Variants in DDX60 observed in about 807,000 individuals in gnomAD.
The protein encoded by DDX60 is probable ATP-dependent RNA helicase DDX60.
DDX60 carries 165 observed loss-of-function variants against 212.8 expected under a neutral mutation model. The ratio of observed to expected loss-of-function variants is 0.78; its 90% CI spans 0.68 to 0.88. DDX60 has a LOEUF of 0.88. Ranked by LOEUF, DDX60 falls within the 40% of genes least tolerant of loss-of-function variation. The pLI is 0.00. For missense variants in DDX60, 1,905 were observed against 2,003.9 expected, an observed-to-expected ratio of 0.95 and a Z score of 0.94; for synonymous variants, 703 against 685.3, an observed-to-expected ratio of 1.03 and a Z score of -0.40.
At chr4:168,290,476 C>T (rs1487069595) in intron 8 of DDX60, among the ~76,000 whole-genome samples, 1 of 151,816 alleles carries the variant, frequency 6.6e-6, no homozygotes, top group Non-Finnish European at 1.5e-5. Flanking sequence ...CTACAGGTGC[C>T]TACCACCATG....
At chr4:168,267,518 T>G (rs920947132) in intron 22 of DDX60, 64 bp downstream of exon 22, 38 of 708,824 alleles carry the variant, frequency 5.4e-5, no homozygotes, top group Non-Finnish European at 8.0e-5. Flanking sequence ...TAGGCAGCAT[T>G]TATTTATAAT....
At chr4:168,279,382 C>T (rs749241695) in intron 14 of DDX60, among the ~76,000 whole-genome samples, 8 of 152,204 alleles carry the variant, frequency 5.3e-5, no homozygotes, top group Non-Finnish European at 1.0e-4. Context: ...CTCACTGCTT[C>T]AGCGCCTTGA....
chr4:168,217,066 T>G, intron 37 of DDX60, 34 bp from the exon 38 acceptor site: 1 of 1,368,804 alleles, frequency 7.3e-7, no homozygotes, highest in Non-Finnish European at 1.0e-6. Flanking sequence ...GGATCCACTT[T>G]AGTGAGATTG....
intron 37 of DDX60, among the ~76,000 whole-genome samples, chr4:168,217,570 A>G (rs1350978903): frequency 6.6e-6 from 1 of 152,204 alleles, no homozygotes; most frequent in African/African-American, 2.4e-5. Context: ...TACATGGCAA[A>G]GGGGAATGAA....
chr4:168,297,350 G>GAA (rs1188948884), intron 6 of DDX60, among the ~76,000 whole-genome samples: 4 of 79,968 alleles, frequency 5.0e-5, no homozygotes, highest in Non-Finnish European at 9.2e-5. Flanking sequence ...AAGAAAGAAA[G>GAA]AAAGAAAGAA....
chr4:168,240,079 T>A (rs1387593183), intron 30 of DDX60, among the ~76,000 whole-genome samples: 1 of 152,084 alleles, frequency 6.6e-6, no homozygotes, highest in East Asian at 1.9e-4. Flanking sequence ...GAAAACCCCA[T>A]CATCTCAACC....
chr4:168,253,229 G>A (rs1314093532), intron 26 of DDX60, among the ~76,000 whole-genome samples: 1 of 152,080 alleles, frequency 6.6e-6, no homozygotes, highest in African/African-American at 2.4e-5. Flanking sequence ...TTTTCCTTCT[G>A]GCTGTAGTCT....
chr4:168,253,323 T>C (rs893253227), intron 26 of DDX60, among the ~76,000 whole-genome samples: 22 of 152,178 alleles, frequency 1.4e-4, no homozygotes, highest in African/African-American at 5.1e-4. Context: ...TTCATGACCC[T>C]GGGCTTGGAT....
At chr4:168,301,128 T>C in intron 6 of DDX60, among the ~76,000 whole-genome samples, 1 of 152,282 alleles carries the variant, frequency 6.6e-6, no homozygotes, top group South Asian at 2.1e-4. Context: ...TTTCTGTGTA[T>C]ATAAAAATTG....
chr4:168,308,773 G>A (rs1737003075), intron 3 of DDX60, among the ~76,000 whole-genome samples: 1 of 149,140 alleles, frequency 6.7e-6, no homozygotes, highest in Non-Finnish European at 1.5e-5. Context: ...ACTGATAAAT[G>A]TATACTATAT....
intron 22 of DDX60, among the ~76,000 whole-genome samples, chr4:168,265,909 T>C (rs1281092068): frequency 1.3e-5 from 2 of 150,080 alleles, no homozygotes; most frequent in Non-Finnish European, 3.0e-5. Flanking sequence ...GAAAGAAAAA[T>C]GAGAGAATAA....
At chr4:168,217,805 G>A (rs552425587) in intron 37 of DDX60, among the ~76,000 whole-genome samples, 1 of 152,216 alleles carries the variant, frequency 6.6e-6, no homozygotes, top group East Asian at 1.9e-4. Context: ...CTAAAAGTTG[G>A]AAAAGGCAAT....
rs180985993 is a variant in DDX60, at chr4:168,233,453, C to A, written c.4533+2799G>T. Among the ~76,000 whole-genome samples the A allele has an allele frequency of 2.3e-3, 346 of 152,184 alleles. 2 individuals are homozygous for A. Among genetic ancestry groups the A allele is most frequent in the African/African-American group, 7.4e-3 (308 of 41,540 alleles). ...ATTTGCAATTACAAAAATATGGAAC[C>A]AGCCTAAATGCCCATCAGTCAATGA... On this transcript the variant is annotated intron_variant, in intron 33 of 37. Transcript: ENST00000393743.
At chr4:168,292,980 T>G (rs1409609417) in intron 7 of DDX60, among the ~76,000 whole-genome samples, 1 of 152,242 alleles carries the variant, frequency 6.6e-6, no homozygotes, top group Non-Finnish European at 1.5e-5. Context: ...TAATGAGCCC[T>G]GAATATTTCT....
intron 37 of DDX60, among the ~76,000 whole-genome samples, chr4:168,218,552 G>A (rs1467783594): frequency 6.6e-6 from 1 of 151,926 alleles, no homozygotes; most frequent in African/African-American, 2.4e-5. Context: ...TATATAATCC[G>A]CATGCTCATG....
chr4:168,266,825 G>A (rs190342667), intron 22 of DDX60, among the ~76,000 whole-genome samples: 3 of 152,134 alleles, frequency 2.0e-5, no homozygotes, highest in East Asian at 1.9e-4. Context: ...AATTATATTC[G>A]TGTCAAATTA....
chr4:168,267,437 T>C, intron 22 of DDX60, 145 bp downstream of exon 22: 1 of 400,564 alleles, frequency 2.5e-6, no homozygotes, highest in Non-Finnish European at 4.4e-6. Context: ...CTTGTTATTT[T>C]TTAAATTAAG....
At chr4:168,300,707 C>T (rs1736613656) in intron 6 of DDX60, among the ~76,000 whole-genome samples, 1 of 151,992 alleles carries the variant, frequency 6.6e-6, no homozygotes, top group African/African-American at 2.4e-5. Flanking sequence ...GAAATACAAA[C>T]ACTAACCAAT....
chr4:168,300,221 T>G (rs939060669), intron 6 of DDX60, among the ~76,000 whole-genome samples: 2 of 152,108 alleles, frequency 1.3e-5, no homozygotes, highest in Admixed American at 1.3e-4. Context: ...TAAACATTCA[T>G]GCATTCATGA....
Sources: allele counts gnomAD v4.1 joint callset (sites outside exome capture counted in the v4.1 genomes callset), GRCh38; gene constraint gnomAD v4.1.1; transcripts MANE v1.5; gene names NCBI Gene and HGNC (gene_info 2026-07-23, HGNC 2026-07-21).